RAI1: variants seen among roughly 807,000 people sequenced by gnomAD.
RAI1 encodes retinoic acid induced 1, also known as retinoic acid-induced protein 1.
In RAI1, 9 loss-of-function variants were observed where a neutral mutation model predicts 123.8. The observed-to-expected ratio is 0.07, with a 90% CI of 0.04 to 0.13. The LOEUF (loss-of-function observed/expected upper bound fraction) is 0.13. RAI1 is among the 10% of genes least tolerant of loss of function. RAI1 has a pLI of 1.00. For synonymous variants in RAI1, 1,231 were observed against 1,127.3 expected, an observed-to-expected ratio of 1.09 and a Z score of -1.84; for missense variants, 2,256 against 2,545.8, an observed-to-expected ratio of 0.89 and a Z score of 2.45.
At chr17:17,772,933 A>G (rs1351514960) in intron 2 of RAI1, among the ~76,000 whole-genome samples, 4 of 152,088 alleles carry the variant, frequency 2.6e-5, no homozygotes, top group Non-Finnish European at 2.9e-5. Flanking sequence ...GCATGGATGC[A>G]TGGATAGAAA....
chr17:17,759,929 G>A (rs2030616746), intron 2 of RAI1, among the ~76,000 whole-genome samples: 1 of 152,216 alleles, frequency 6.6e-6, no homozygotes, highest in African/African-American at 2.4e-5. Context: ...TGCTTATTAA[G>A]GGCTCTGGAT....
intron 2 of RAI1, among the ~76,000 whole-genome samples, chr17:17,768,959 A>G (rs2031044431): frequency 6.6e-6 from 1 of 152,190 alleles, no homozygotes; most frequent in Non-Finnish European, 1.5e-5. Flanking sequence ...TGACAGTGTC[A>G]GGCAGTTTGG....
In RAI1 at chr17:17,797,474, A is replaced by G. The variant is rs140063274; in HGVS notation, c.4526A>G (p.Gln1509Arg). The G allele has an allele frequency of 1.2e-3, 1,929 of 1,613,104 alleles. 6 individuals carry two copies. Among genetic ancestry groups the G allele is most frequent in the South Asian group, 2.4e-3 (217 of 91,054 alleles). ...PKMEELGLASQPPEGRPCQPQ... is the reference protein window; with the variant it reads ...PKMEELGLASRPPEGRPCQPQ... Reference sequence around the variant, plus strand: ...ATGGAGGAGCTGGGCCTGGCCTCCCAGCCCCCGGAGGGCAGGCCCTGCCAG... The same window carrying G: ...ATGGAGGAGCTGGGCCTGGCCTCCCGGCCCCCGGAGGGCAGGCCCTGCCAG... Residue 1509 changes from glutamine to arginine, a missense_variant, in exon 3 of 6, where the codon CAG (glutamine) becomes CGG (arginine). This residue lies in a region of RAI1 where 410 missense variants were observed against 374.6 expected (regional missense o/e 1.09). Coordinates refer to ENST00000353383, the MANE Select transcript of RAI1 (RefSeq NM_030665.4).
At chr17:17,805,081 T>A (rs116761336) in intron 4 of RAI1, among the ~76,000 whole-genome samples, 2,175 of 152,188 alleles carry the variant, frequency 0.014, 45 homozygotes, top group East Asian at 0.063. Context: ...CAGGATGGTC[T>A]CCATCTCTTG....
chr17:17,749,805 T>C (rs764450401), intron 2 of RAI1, among the ~76,000 whole-genome samples: 19 of 152,188 alleles, frequency 1.2e-4, no homozygotes, highest in Non-Finnish European at 2.2e-4. Context: ...CTACCTTCTG[T>C]TGCTCCCCTC....
chr17:17,742,940 G>A (rs986262120), intron 2 of RAI1, among the ~76,000 whole-genome samples: 3 of 152,180 alleles, frequency 2.0e-5, no homozygotes, highest in African/African-American at 7.2e-5. Flanking sequence ...TCTCTGTGGG[G>A]TGAATGTAGG....
chr17:17,682,903 G>A (rs1914489859), intron 1 of RAI1, among the ~76,000 whole-genome samples: 1 of 152,052 alleles, frequency 6.6e-6, no homozygotes, highest in Non-Finnish European at 1.5e-5. Context: ...GTAACAATGC[G>A]CCGGTGGGGG....
chr17:17,723,666 GC>G (rs1237409465), intron 1 of RAI1, among the ~76,000 whole-genome samples: 1 of 124,742 alleles, frequency 8.0e-6, no homozygotes, highest in Non-Finnish European at 1.7e-5. Flanking sequence ...CTCATCTCTC[GC>G]CCCCCCGCCC....
intron 2 of RAI1, among the ~76,000 whole-genome samples, chr17:17,734,054 G>A (rs1256853910): frequency 6.6e-6 from 1 of 152,126 alleles, no homozygotes; most frequent in East Asian, 1.9e-4. Flanking sequence ...GGGAGGTCTA[G>A]GCAGAGAGAA....
At chr17:17,693,072 C>T (rs551338130) in intron 1 of RAI1, among the ~76,000 whole-genome samples, 8 of 152,316 alleles carry the variant, frequency 5.3e-5, no homozygotes, top group Admixed American at 3.9e-4. Flanking sequence ...TAGGGCTTCC[C>T]GACACTGCCA....
intron 1 of RAI1, among the ~76,000 whole-genome samples, chr17:17,698,000 G>A (rs1021903222): frequency 2.0e-5 from 3 of 152,128 alleles, no homozygotes; most frequent in African/African-American, 7.2e-5. Context: ...TTTCCATCCG[G>A]CCCTGGGTGA....
At chr17:17,686,312 C>T (rs1252738020) in intron 1 of RAI1, among the ~76,000 whole-genome samples, 77 of 14,140 alleles carry the variant, frequency 5.4e-3, no homozygotes, top group African/African-American at 0.02. Context: ...GGGTGAGGGG[C>T]TTGGTGGGGT....
chr17:17,810,116 G>A lies in RAI1; in HGVS notation c.*135G>A, dbSNP rs1158937337. 7.9e-7 allele frequency: 1 copy of A among 1,264,614 alleles called. No individual in the cohort carries two copies. The highest frequency in any genetic ancestry group is 1.1e-6 in the Non-Finnish European group (1 of 941,656). 78.3% of individuals were successfully genotyped at this position (1,264,614 alleles called of 1,614,324 possible). ...GGTCCAGAGCCGATCCTTGATCCGG[G>A]TCCCGGATCGTGGATCCGGCCGCCT... On this transcript the variant is annotated 3_prime_UTR_variant, in exon 6 of 6. Transcript: ENST00000353383. This position sits in a 1 kb window ranked among gnomAD's most constrained non-coding sequence, Gnocchi z 4.6.
At position 17,797,652 on chromosome 17, in the gene RAI1, G is replaced by A; in HGVS notation, c.4704G>A (p.Leu1568=). 1 of 1,613,886 alleles carries A rather than the reference G, an allele frequency of 6.2e-7. No individual in the cohort carries two copies. The highest frequency in any genetic ancestry group is 8.5e-7 in the Non-Finnish European group (1 of 1,180,014). The change falls in exon 3 of 6, where the codon CTG becomes CTA. Residue 1568 remains leucine, a synonymous_variant. Coordinates refer to ENST00000353383, the MANE Select transcript of RAI1 (RefSeq NM_030665.4). ...KRRRQQQVLP[L]DPAEPEIRLK... is the part of the protein sequence containing the mutation. ...GACGACAGCAGCAGGTGCTGCCCCTGGATCCCGCAGAGCCTGAAATCCGCC... is the reference window on the plus strand; with the variant it reads ...GACGACAGCAGCAGGTGCTGCCCCTAGATCCCGCAGAGCCTGAAATCCGCC...
intron 2 of RAI1, among the ~76,000 whole-genome samples, chr17:17,773,962 T>C (rs2031252346): frequency 6.6e-6 from 1 of 152,230 alleles, no homozygotes; most frequent in Non-Finnish European, 1.5e-5. Flanking sequence ...TAACTGCATC[T>C]ATAATCTATA....
intron 1 of RAI1, among the ~76,000 whole-genome samples, chr17:17,688,334 AT>A (rs1914710503): frequency 6.6e-6 from 1 of 151,850 alleles, no homozygotes; most frequent in Non-Finnish European, 1.5e-5. Context: ...AAATACAAAA[AT>A]TAGTCAGGCG....
At chr17:17,791,655 G>A (rs991881939) in intron 2 of RAI1, among the ~76,000 whole-genome samples, 7 of 152,228 alleles carry the variant, frequency 4.6e-5, no homozygotes, top group Non-Finnish European at 8.8e-5. Context: ...GGCCAGCATG[G>A]TTCTGGGTAA....
chr17:17,690,933 C>T (rs1268051569), intron 1 of RAI1, among the ~76,000 whole-genome samples: 3 of 152,162 alleles, frequency 2.0e-5, no homozygotes, highest in African/African-American at 7.2e-5. Context: ...GATAGTGATT[C>T]CTTCAGCAAA....
chr17:17,786,861 G>A (rs1007693013), intron 2 of RAI1, among the ~76,000 whole-genome samples: 8 of 152,166 alleles, frequency 5.3e-5, no homozygotes, highest in Non-Finnish European at 7.4e-5. Context: ...ATCACCTGAG[G>A]TCGGGAGCTC....
Sources: gnomAD v4.1 joint callset for allele counts (sites outside exome capture counted in the v4.1 genomes callset) on GRCh38, gnomAD v4.1.1 for gene constraint, gnomAD v4.1.1 regional missense constraint, Gnocchi (gnomAD v3.1) non-coding constraint, MANE v1.5 for transcripts, NCBI Gene and HGNC (gene_info 2026-07-23, HGNC 2026-07-21) for gene names.